Variants in NAALADL2 observed in about 807,000 individuals in gnomAD.
The protein encoded by NAALADL2 is N-acetylated alpha-linked acidic dipeptidase like 2, also known as inactive N-acetylated-alpha-linked acidic dipeptidase-like protein 2.
Under a neutral mutation model 87.2 loss-of-function variants are expected in NAALADL2, and 76 were observed. The ratio of observed to expected loss-of-function variants is 0.87; its 90% CI spans 0.72 to 1.05. NAALADL2 has a LOEUF of 1.05. NAALADL2 is among the 50% of genes least tolerant of loss of function. NAALADL2 has a pLI of 0.00. For missense variants in NAALADL2, 1,089 were observed against 945.8 expected (o/e 1.15, Z -1.99); for synonymous variants, 354 against 331.0 (o/e 1.07, Z -0.75).
At chr3:175,463,355 A>G (rs1184577415) in intron 6 of NAALADL2, 46 bp from the exon 7 acceptor site, 2 of 1,204,544 alleles carry the variant, frequency 1.7e-6, no homozygotes, top group Admixed American at 4.9e-5. Flanking sequence ...TAAAAAATAC[A>G]ATAAAATATA....
At chr3:174,467,295 G>A (rs1716594720) in intron 1 of NAALADL2, among the ~76,000 whole-genome samples, 1 of 152,078 alleles carries the variant, frequency 6.6e-6, no homozygotes, top group Non-Finnish European at 1.5e-5. Context: ...GTAATAGCAA[G>A]GATTAGAAAC....
chr3:174,476,628 A>C (rs2108320801), intron 1 of NAALADL2, among the ~76,000 whole-genome samples: 1 of 152,184 alleles, frequency 6.6e-6, no homozygotes, highest in East Asian at 1.9e-4. Flanking sequence ...TGTGCTATAT[A>C]AACTTTGAAA....
Position 175,297,528 on chromosome 3 carries a change from C to T in NAALADL2, c.940-26647C>T, listed in dbSNP as rs544617569. Among the ~76,000 whole-genome samples the T allele has an allele frequency of 2.6e-5, 4 of 152,276 alleles. No homozygotes were observed. In the Middle Eastern group the frequency reaches 0.01, roughly 388 times the overall value. ...TTATTTATGTGACAAAATTGCCTTT[C>T]CCTATTTGTGTAAGTTGGTTAGTAT... is the stretch of plus-strand genomic sequence containing the variant. On this transcript the variant is annotated intron_variant, in intron 4 of 13. Coordinates refer to ENST00000454872, the MANE Select transcript of NAALADL2 (RefSeq NM_207015.3).
chr3:174,850,882 A>G (rs1003185264), intron 3 of NAALADL2, among the ~76,000 whole-genome samples: 1 of 150,322 alleles, frequency 6.7e-6, no homozygotes, highest in African/African-American at 2.4e-5. Context: ...GTCTTAATTT[A>G]AAAAAAAACA....
chr3:175,139,422 T>C (rs1206134540), intron 2 of NAALADL2, among the ~76,000 whole-genome samples: 2 of 152,114 alleles, frequency 1.3e-5, no homozygotes, highest in Non-Finnish European at 1.5e-5. Context: ...TTTCTTAGAA[T>C]TGCAAAAGTC....
chr3:175,440,437 T>G (rs1461323555), intron 5 of NAALADL2, among the ~76,000 whole-genome samples: 1 of 152,192 alleles, frequency 6.6e-6, no homozygotes, highest in Non-Finnish European at 1.5e-5. Context: ...GGTGGTATTT[T>G]GATCGAAATT....
chr3:175,187,707 A>G (rs1397412188), intron 2 of NAALADL2, among the ~76,000 whole-genome samples: 1 of 152,148 alleles, frequency 6.6e-6, no homozygotes, highest in Non-Finnish European at 1.5e-5. Context: ...TGGTTTGACT[A>G]TCCCATTAAG....
At chr3:175,642,834 G>C (rs1372950303) in intron 11 of NAALADL2, among the ~76,000 whole-genome samples, 1 of 152,148 alleles carries the variant, frequency 6.6e-6, no homozygotes, top group African/African-American at 2.4e-5. Context: ...GTGATGCTCA[G>C]AGGAAAGCAG....
chr3:175,576,270 T>G (rs1172388430), intron 10 of NAALADL2, 83 bp downstream of exon 10: 2 of 1,280,510 alleles, frequency 1.6e-6, no homozygotes, highest in Non-Finnish European at 2.2e-6. Context: ...CTATTCAATT[T>G]TCATATCAAA....
chr3:175,060,275 C>T (rs1003223646), intron 1 of NAALADL2, among the ~76,000 whole-genome samples: 2 of 152,166 alleles, frequency 1.3e-5, no homozygotes, highest in Non-Finnish European at 2.9e-5. Context: ...AGTCCCCTTC[C>T]TATTTCACTT....
chr3:175,680,318 T>C lies in NAALADL2; in HGVS notation c.1896+52932T>C, dbSNP rs1269334649. ...GGAGCTCTCAAAAATAATGTGTATG[T>C]GCTTTCCATTGATTTATTTACTTGT... On this transcript the variant is annotated intron_variant, in intron 11 of 13. Coordinates refer to ENST00000454872, the MANE Select transcript of NAALADL2 (RefSeq NM_207015.3). Among the ~76,000 whole-genome samples, 4 of 152,240 alleles carry C rather than the reference T, an allele frequency of 2.6e-5. No individual in the cohort carries two copies. In the East Asian group the frequency reaches 7.7e-4, roughly 29 times the overall value.
intron 1 of NAALADL2, among the ~76,000 whole-genome samples, chr3:175,034,591 T>G (rs561319409): frequency 7.2e-5 from 11 of 152,116 alleles, no homozygotes; most frequent in Non-Finnish European, 1.5e-4. Context: ...CATTTGACTA[T>G]GTTTTATTTT....
In NAALADL2 at chr3:174,681,440, T is replaced by TC. The variant is rs540438004; in HGVS notation, c.-114-56200dup. Among the ~76,000 whole-genome samples the TC allele has an allele frequency of 2.1e-3, 318 of 152,134 alleles. 2 individuals are homozygous for TC. Among genetic ancestry groups the TC allele is most frequent in the African/African-American group, 7.3e-3 (302 of 41,504 alleles). Reference sequence around the variant, plus strand: ...ACAGCTCTGAGAAAGACACCTTCCCTCTGCCTGCAGAGGAGAGGGAAGAGT... The same window carrying TC: ...ACAGCTCTGAGAAAGACACCTTCCCTCCTGCCTGCAGAGGAGAGGGAAGAGT... On this transcript the variant is annotated intron_variant, in intron 2 of 3. Coordinates refer to the NAALADL2 transcript ENST00000434257.
At chr3:175,023,665 A>G (rs1462256087) in intron 1 of NAALADL2, among the ~76,000 whole-genome samples, 1 of 152,094 alleles carries the variant, frequency 6.6e-6, no homozygotes, top group Non-Finnish European at 1.5e-5. Context: ...TTTATAACAA[A>G]TATATTTCTT....
At chr3:175,712,366 C>T (rs1045664285) in intron 11 of NAALADL2, among the ~76,000 whole-genome samples, 8 of 151,918 alleles carry the variant, frequency 5.3e-5, no homozygotes, top group African/African-American at 1.7e-4. Context: ...AAACATTAGA[C>T]GGTAGTCCTT....
intron 1 of NAALADL2, among the ~76,000 whole-genome samples, chr3:174,449,809 C>T (rs1217862033): frequency 6.6e-6 from 1 of 152,112 alleles, no homozygotes; most frequent in East Asian, 1.9e-4. Flanking sequence ...TAGTCCTTCT[C>T]TATTCTTTTT....
At chr3:175,690,425 T>G (rs1736896304) in intron 11 of NAALADL2, among the ~76,000 whole-genome samples, 1 of 152,108 alleles carries the variant, frequency 6.6e-6, no homozygotes, top group African/African-American at 2.4e-5. Flanking sequence ...AAAAATCTGT[T>G]GGCTCTGATA....
At chr3:175,000,859 A>C (rs1419141754) in intron 1 of NAALADL2, among the ~76,000 whole-genome samples, 1 of 152,196 alleles carries the variant, frequency 6.6e-6, no homozygotes, top group African/African-American at 2.4e-5. Context: ...CTTTTTACAT[A>C]TATAGAAACT....
intron 11 of NAALADL2, among the ~76,000 whole-genome samples, chr3:175,646,120 T>C (rs1158761303): frequency 6.6e-6 from 1 of 152,150 alleles, no homozygotes; most frequent in Non-Finnish European, 1.5e-5. Flanking sequence ...TAAGTCTCCA[T>C]CTTTTTTGTC....
Sources: allele counts gnomAD v4.1 joint callset (sites outside exome capture counted in the v4.1 genomes callset), GRCh38; gene constraint gnomAD v4.1.1; transcripts MANE v1.5; gene names NCBI Gene and HGNC (gene_info 2026-07-23, HGNC 2026-07-21).